Variants in NEB observed in about 807,000 individuals in gnomAD.
The protein encoded by NEB is nebulin.
Under a neutral mutation model 952.2 loss-of-function variants are expected in NEB, and 512 were observed. The ratio of observed to expected loss-of-function variants is 0.54; its 90% CI spans 0.50 to 0.58. The LOEUF is 0.58. Ranked by LOEUF, NEB falls within the 20% of genes least tolerant of loss-of-function variation. The pLI is 0.00. For missense variants in NEB, 8,428 were observed against 9,231.1 expected (o/e 0.91, Z 3.56); for synonymous variants, 2,900 against 3,149.8 (o/e 0.92, Z 2.66).
chr2:151,514,951 A>T (rs1450707591), intron 157 of NEB, 23 bp from the exon 158 acceptor site: 20 of 1,451,924 alleles, frequency 1.4e-5, no homozygotes, highest in Non-Finnish European at 1.9e-5. Flanking sequence ...GGAAGGAAAG[A>T]CAAGTTAAAA....
intron 169 of NEB, among the ~76,000 whole-genome samples, chr2:151,498,970 T>A (rs1240484780): frequency 6.6e-6 from 1 of 152,126 alleles, no homozygotes; most frequent in Non-Finnish European, 1.5e-5. Context: ...AGGATAATAG[T>A]CGGATCTTTG....
In NEB at chr2:151,678,112, G is replaced by A. The variant is rs777827277; in HGVS notation, c.3331C>T (p.Leu1111=). 1.2e-6 allele frequency: 2 copies of A among 1,613,556 alleles called. No homozygotes were observed. The highest frequency in any genetic ancestry group is 4.5e-5 in the East Asian group (2 of 44,890). The change falls in exon 33 of 182, where the codon CTG becomes TTG. Residue 1111 remains leucine, a synonymous_variant. Coordinates refer to ENST00000397345, the MANE Select transcript of NEB (RefSeq NM_001164508.2). ...GFQSLQDDPK[L]VHYMNVAKIQ... is the part of the protein sequence containing the mutation. ...TTGGCCACGTTCATATAATGAACCAGTTTAGGGTCATCTTGAAGACTTTGG... is the reference window on the plus strand; with the variant it reads ...TTGGCCACGTTCATATAATGAACCAATTTAGGGTCATCTTGAAGACTTTGG...
rs767393578 is a variant in NEB, at chr2:151,492,425, T to C, written c.24835A>G (p.Met8279Val). 6.2e-7 allele frequency: 1 copy of C among 1,612,042 alleles called. No homozygotes were observed. The highest frequency in any genetic ancestry group is 2.2e-5 in the East Asian group (1 of 44,868). The change falls in exon 177 of 182, where the codon ATG becomes GTG. Residue 8279 changes from methionine (M) to valine (V), a missense_variant. Met to Val is a conservative substitution (Grantham distance 21). This residue lies in a region of NEB where 3,374 missense variants were observed against 3,651.5 expected (regional missense o/e 0.92). Coordinates refer to ENST00000397345, the MANE Select transcript of NEB (RefSeq NM_001164508.2). The part of the protein sequence containing the change: ...KAAYVLDTPE[M>V]RRVRETQRHI... ...CGTTGGGTCTCCCTCACCCGTCTCATCTCGGGGGTATCCAATACATAGGCA... is the reference window on the plus strand; with the variant it reads ...CGTTGGGTCTCCCTCACCCGTCTCACCTCGGGGGTATCCAATACATAGGCA...
In NEB at chr2:151,612,842, T is replaced by G. The variant is rs185483510; in HGVS notation, c.11602-453A>C. Among the ~76,000 whole-genome samples the G allele has an allele frequency of 2.4e-3, 368 of 152,340 alleles. 2 individuals are homozygous for G. Among genetic ancestry groups the G allele is most frequent in the South Asian group, 3.7e-3 (18 of 4,832 alleles). ...TGATCACGTTGCATTAATGTGTTTTTTTGGGGATAAAAACGACGTCTTTTT... is the reference window on the plus strand; with the variant it reads ...TGATCACGTTGCATTAATGTGTTTTGTTGGGGATAAAAACGACGTCTTTTT... On this transcript the variant is annotated intron_variant, in intron 77 of 181. Transcript: ENST00000397345.
At chr2:151,695,544 G>T in intron 18 of NEB, 34 bp downstream of exon 18, 2 of 1,482,936 alleles carry the variant, frequency 1.3e-6, no homozygotes, top group Non-Finnish European at 1.9e-6. Flanking sequence ...CAGGTTGTCA[G>T]TACATCACAT....
chr2:151,726,990 A>C (rs1320368247), intron 5 of NEB, among the ~76,000 whole-genome samples: 1 of 151,748 alleles, frequency 6.6e-6, no homozygotes, highest in Non-Finnish European at 1.5e-5. Context: ...TCTGGGGCTG[A>C]AGTGAGCTGT....
intron 65 of NEB, among the ~76,000 whole-genome samples, 195 bp from the exon 66 acceptor site, chr2:151,631,541 A>C (rs1021927838): frequency 6.6e-6 from 1 of 152,194 alleles, no homozygotes; most frequent in Non-Finnish European, 1.5e-5. Context: ...AAAGTTATCA[A>C]ACATTTCAGG....
At position 151,485,665 on chromosome 2, in the gene NEB, CA is replaced by C. The variant is rs1448593161; in HGVS notation, c.*94del. ...CACATTGACACAGAAAAACCATAGG[CA>C]GCTTGAGAACTTAGGTAACAGTGGA... On this transcript the variant is annotated 3_prime_UTR_variant, in exon 182 of 182. Transcript: ENST00000397345. 1.6e-6 allele frequency: 2 copies of C among 1,218,374 alleles called. No individual in the cohort carries two copies. Among genetic ancestry groups the C allele is most frequent in the African/African-American group, 3.0e-5 (2 of 66,196 alleles). 75.5% of individuals were successfully genotyped at this position (1,218,374 alleles called of 1,614,324 possible).
intron 102 of NEB, 121 bp from the exon 103 acceptor site, chr2:151,581,708 A>T (rs995111452): frequency 9.6e-7 from 1 of 1,041,376 alleles, no homozygotes; most frequent in African/African-American, 1.6e-5. Context: ...ATTTTAAGTG[A>T]ATTTTATAAT....
intron 114 of NEB, among the ~76,000 whole-genome samples, chr2:151,566,371 G>A (rs910529544): frequency 2.0e-5 from 3 of 152,206 alleles, no homozygotes; most frequent in African/African-American, 7.2e-5. Flanking sequence ...AAGAAGAGTT[G>A]CTATTCTGAT....
chr2:151,620,393 TTA>T (rs1338517697), intron 72 of NEB, among the ~76,000 whole-genome samples: 7 of 79,000 alleles, frequency 8.9e-5, no homozygotes, highest in African/African-American at 2.9e-4. Context: ...ATATATATAT[TTA>T]ACCAGAATTT....
At chr2:151,642,899 T>C (rs368298310) in intron 58 of NEB, 30 bp from the exon 59 acceptor site, 2 of 1,515,462 alleles carry the variant, frequency 1.3e-6, no homozygotes, top group African/African-American at 1.4e-5. Context: ...ATGACTGGTA[T>C]AGGCCAGTAA....
chr2:151,719,195 T>C (rs964966180), intron 9 of NEB, among the ~76,000 whole-genome samples: 18 of 152,220 alleles, frequency 1.2e-4, no homozygotes, highest in African/African-American at 4.1e-4. Flanking sequence ...AAAGAAGATG[T>C]CCTATCCTTG....
In NEB at chr2:151,667,810, A is replaced by T; in HGVS notation, c.4713T>A (p.Ala1571=). The change falls in exon 40 of 182, where the codon GCT becomes GCA. Residue 1571 remains alanine, a synonymous_variant. Coordinates refer to ENST00000397345, the MANE Select transcript of NEB (RefSeq NM_001164508.2). ...ACTTTTAAGTTAGACTTACATCACT[A>T]GCAATATTCCTTGAACTTTTTGCAG... ...IVAAKSSRNI[A]SDCKYKEAYE... 2 of 1,611,558 alleles carry T rather than the reference A, an allele frequency of 1.2e-6. No individual in the cohort carries two copies. Among genetic ancestry groups the T allele is most frequent in the Non-Finnish European group, 1.7e-6 (2 of 1,178,152 alleles).
Position 151,617,398 on chromosome 2 carries a change from A to T in NEB, c.11147T>A (p.Met3716Lys), listed in dbSNP as rs2098235987. Residue 3716 changes from methionine (M) to lysine (K), a missense_variant, in exon 75 of 182, where the codon ATG becomes AAG. By Grantham distance (95) the Met-to-Lys change is moderately conservative. This residue lies in a region of NEB where 1,772 missense variants were observed against 1,960.3 expected (regional missense o/e 0.90). Transcript: ENST00000397345. The part of the protein sequence containing the change: ...IHVMPDTPEI[M>K]LAKLNRINYS... ...GTTTATTCGGTTGAGTTTGGCTAAC[A>T]TGATTTCTGGTGTATCAGGCATGAC... 6.4e-7 allele frequency: 1 copy of T among 1,570,972 alleles called. No individual in the cohort carries two copies. The highest frequency in any genetic ancestry group is 1.8e-5 in the Admixed American group (1 of 54,596).
chr2:151,533,460 A>G lies in NEB; in HGVS notation c.21399T>C (p.Asn7133=). 6.4e-7 allele frequency: 1 copy of G among 1,550,888 alleles called. No individual in the cohort carries two copies. The highest frequency in any genetic ancestry group is 1.4e-5 in the African/African-American group (1 of 73,176). Residue 7133 remains asparagine (N), a synonymous_variant, in exon 143 of 182, where the codon AAT becomes AAC. Coordinates refer to ENST00000397345, the MANE Select transcript of NEB (RefSeq NM_001164508.2). ...LRPDMLTALY[N]SHMWSQIKYR... ...ACATTACCTGGCTCCACATATGCGA[A>G]TTGTAGAGAGCAGTCAACATATCTG...
chr2:151,725,643 AT>A, intron 5 of NEB, 83 bp from the exon 6 acceptor site: 1 of 1,133,200 alleles, frequency 8.8e-7, no homozygotes, highest in Non-Finnish European at 1.3e-6. Context: ...ATAAAAAAAA[AT>A]CCTTCAAGTT....
chr2:151,653,505 G>A (rs901578671), intron 52 of NEB, among the ~76,000 whole-genome samples: 2 of 152,074 alleles, frequency 1.3e-5, no homozygotes, highest in African/African-American at 4.8e-5. Context: ...GACCTTCTTG[G>A]ATTTTTTATG....
At chr2:151,678,777 A>G (rs1365355039) in intron 32 of NEB, among the ~76,000 whole-genome samples, 1 of 152,016 alleles carries the variant, frequency 6.6e-6, no homozygotes, top group African/African-American at 2.4e-5. Context: ...AAGCAGAGAC[A>G]TGAGGGAAGG....
Sources: allele counts gnomAD v4.1 joint callset (sites outside exome capture counted in the v4.1 genomes callset), GRCh38; gene constraint gnomAD v4.1.1; regional missense constraint gnomAD v4.1.1; transcripts MANE v1.5; gene names NCBI Gene and HGNC (gene_info 2026-07-23, HGNC 2026-07-21).